Variants in USP54 observed in about 807,000 individuals in gnomAD.
The protein encoded by USP54 is ubiquitin specific peptidase 54.
In USP54, 87 loss-of-function variants were observed where a neutral mutation model predicts 170.5. That is an observed-to-expected ratio of 0.51 (90% confidence interval 0.43 to 0.61). USP54 has a LOEUF of 0.61. USP54 is among the 20% of genes least tolerant of loss of function. The pLI is 0.00. For missense variants in USP54, 1,786 were observed against 2,047.8 expected, an observed-to-expected ratio of 0.87 and a Z score of 2.47; for synonymous variants, 655 against 742.8, an observed-to-expected ratio of 0.88 and a Z score of 1.92.
chr10:73,514,912 C>T (rs112416739), intron 20 of USP54, among the ~76,000 whole-genome samples: 21 of 151,800 alleles, frequency 1.4e-4, no homozygotes, highest in East Asian at 3.9e-4. Flanking sequence ...TGGTGGTGGA[C>T]GCCTGTAATC....
chr10:73,604,910 C>G (rs191004848), intron 1 of USP54, among the ~76,000 whole-genome samples: 1 of 152,138 alleles, frequency 6.6e-6, no homozygotes, highest in African/African-American at 2.4e-5. Flanking sequence ...GTGACCCAAG[C>G]GGGTTGCCGC....
intron 1 of USP54, among the ~76,000 whole-genome samples, chr10:73,596,392 C>A (rs1485522181): frequency 6.6e-6 from 1 of 152,014 alleles, no homozygotes; most frequent in East Asian, 1.9e-4. Context: ...CCTGTCTCTA[C>A]TAAAAATACA....
intron 11 of USP54, 114 bp from the exon 12 acceptor site, chr10:73,534,884 A>G: frequency 1.1e-6 from 1 of 939,464 alleles, no homozygotes; most frequent in Non-Finnish European, 1.6e-6. Context: ...CCTAGACACA[A>G]GTGTGAGAAG....
intron 1 of USP54, among the ~76,000 whole-genome samples, chr10:73,607,078 G>C (rs1324275980): frequency 6.6e-6 from 1 of 151,896 alleles, no homozygotes; most frequent in Non-Finnish European, 1.5e-5. Context: ...GGGAGGCCAA[G>C]GTAGGAGGAT....
At chr10:73,520,036 CAAATAA>C (rs780729753) in intron 18 of USP54, 44 bp from the exon 19 acceptor site, 1 of 1,533,226 alleles carries the variant, frequency 6.5e-7, no homozygotes, top group African/African-American at 1.4e-5. Flanking sequence ...ACACAAAACA[CAAATAA>C]AAATAAAAAG....
intron 1 of USP54, among the ~76,000 whole-genome samples, chr10:73,597,344 T>C (rs1234553574): frequency 1.3e-5 from 2 of 152,198 alleles, no homozygotes; most frequent in Non-Finnish European, 2.9e-5. Flanking sequence ...GCCCCAAGGT[T>C]CTACACCTCC....
chr10:73,509,564 G>C (rs977157818), intron 20 of USP54, among the ~76,000 whole-genome samples: 3 of 151,430 alleles, frequency 2.0e-5, no homozygotes, highest in African/African-American at 7.3e-5. Flanking sequence ...GCAGTGAGTT[G>C]AGATCACGCC....
At chr10:73,507,095 CATT>C (rs2059266441) in intron 20 of USP54, 1 of 151,566 alleles carries the variant, frequency 6.6e-6, no homozygotes, top group African/African-American at 2.4e-5. Flanking sequence ...TTTAATGAAA[CATT>C]GTTGCATTAA....
chr10:73,589,282 T>C (rs1243234894), intron 1 of USP54, among the ~76,000 whole-genome samples: 1 of 152,160 alleles, frequency 6.6e-6, no homozygotes, highest in Non-Finnish European at 1.5e-5. Flanking sequence ...TCATATCGCA[T>C]CTAAATCATA....
In USP54 at chr10:73,526,796, CAG is replaced by C. The variant is rs761216392; in HGVS notation, c.2061-18_2061-17del. The C allele has an allele frequency of 3.1e-6, 5 of 1,612,870 alleles. No individual in the cohort carries two copies. The South Asian group carries it at 4.4e-5, about 14-fold the overall frequency. On this transcript the variant is annotated splice_polypyrimidine_tract_variant and intron_variant, in intron 15 of 23. Coordinates refer to ENST00000687698, the MANE Select transcript of USP54 (RefSeq NM_001391956.1). ...ACTTGGATCCCTTCAAAAGAGAACT[CAG>C]AGTCTAGTGAAAGCATGAAAGCAGG...
At chr10:73,593,425 G>A (rs1315235458), upstream of USP54, among the ~76,000 whole-genome samples, 1 of 151,212 alleles carries the variant, frequency 6.6e-6, no homozygotes, top group African/African-American at 2.4e-5. Context: ...AAAAGGTTTT[G>A]GGTACATGAT....
chr10:73,559,588 C>G (rs1337408419), intron 4 of USP54, among the ~76,000 whole-genome samples: 1 of 148,360 alleles, frequency 6.7e-6, no homozygotes, highest in African/African-American at 2.5e-5. Context: ...ATTAGACGGG[C>G]GTGGTGGAAG....
At chr10:73,567,189 AT>A (rs1336978154) in intron 4 of USP54, among the ~76,000 whole-genome samples, 1 of 151,838 alleles carries the variant, frequency 6.6e-6, no homozygotes, top group African/African-American at 2.4e-5. Context: ...GGTACTGGCA[AT>A]TTTCTATTTT....
At chr10:73,504,290 C>G (rs2058695327) in intron 22 of USP54, 1 of 153,950 alleles carries the variant, frequency 6.5e-6, no homozygotes, top group African/African-American at 2.4e-5. Flanking sequence ...TACCTACAAA[C>G]CTAGCCACTG....
intron 22 of USP54, chr10:73,504,379 T>C (rs115003544): frequency 7.2e-4 from 121 of 169,164 alleles, no homozygotes; most frequent in African/African-American, 2.8e-3. Flanking sequence ...ACTAGTACCA[T>C]ATGAAAATTC....
intron 3 of USP54, 49 bp downstream of exon 3, chr10:73,575,463 T>C (rs2075994624): frequency 6.6e-7 from 1 of 1,524,924 alleles, no homozygotes; most frequent in Non-Finnish European, 8.8e-7. Flanking sequence ...AAATACAGCA[T>C]CAGCAATTAA....
At chr10:73,583,347 G>C (rs1045897431) in intron 1 of USP54, among the ~76,000 whole-genome samples, 8 of 152,074 alleles carry the variant, frequency 5.3e-5, no homozygotes, top group African/African-American at 1.4e-4. Flanking sequence ...GTAAAATGGC[G>C]CGATCTTGGC....
intron 1 of USP54, among the ~76,000 whole-genome samples, chr10:73,623,362 G>C (rs1233311116): frequency 6.6e-6 from 1 of 151,824 alleles, no homozygotes; most frequent in African/African-American, 2.4e-5. Flanking sequence ...TTCCAGCCTG[G>C]GCAACAGAGC....
intron 16 of USP54, among the ~76,000 whole-genome samples, chr10:73,526,339 C>T (rs2062841401): frequency 2.0e-5 from 3 of 152,138 alleles, no homozygotes; most frequent in Admixed American, 1.3e-4. Flanking sequence ...CCTCCGCCTC[C>T]CAGGTTCAAG....
Sources: allele counts gnomAD v4.1 joint callset (sites outside exome capture counted in the v4.1 genomes callset), GRCh38; gene constraint gnomAD v4.1.1; transcripts MANE v1.5; gene names NCBI Gene and HGNC (gene_info 2026-07-23, HGNC 2026-07-21).